IGSF5: variants seen among roughly 807,000 people sequenced by gnomAD.
IGSF5 encodes the protein immunoglobulin superfamily member 5.
IGSF5 carries 41 observed loss-of-function variants against 39.4 expected under a neutral mutation model. That is an observed-to-expected ratio of 1.04 (90% CI 0.81 to 1.35). The LOEUF is 1.35. Ranked by LOEUF, IGSF5 falls within the 40% of genes most tolerant of loss-of-function variation. The pLI is 0.00. For synonymous variants in IGSF5, 183 were observed against 175.3 expected (o/e 1.04, Z -0.34); for missense variants, 487 against 494.6 (o/e 0.98, Z 0.15).
At chr21:39,771,504 A>T (rs1443767761) in intron 4 of IGSF5, among the ~76,000 whole-genome samples, 1 of 152,160 alleles carries the variant, frequency 6.6e-6, no homozygotes, top group Non-Finnish European at 1.5e-5. Flanking sequence ...CAAATGCTTG[A>T]ATTAAACATT....
At chr21:39,712,265 A>T in the IGSF5 span, among the ~76,000 whole-genome samples, 458 of 152,264 alleles carry the variant, frequency 3.0e-3, 3 homozygotes, top group African/African-American at 0.01. Context: ...GCAGTGCGGG[A>T]TGTGATAGGA....
At chr21:39,715,406 A>G in the IGSF5 span, among the ~76,000 whole-genome samples, 2 of 152,220 alleles carry the variant, frequency 1.3e-5, no homozygotes, top group Non-Finnish European at 2.9e-5. Context: ...GGTATGAGCC[A>G]CCATGACCAG....
chr21:39,760,586 T>G (rs1384210641), intron 2 of IGSF5, among the ~76,000 whole-genome samples: 2 of 152,046 alleles, frequency 1.3e-5, no homozygotes, highest in Non-Finnish European at 2.9e-5. Flanking sequence ...GTCTTTTTTT[T>G]TTTTAGACGG....
rs1052976293 is a variant in IGSF5, at chr21:39,746,100, G to A, written c.18-116G>A. On this transcript the variant is annotated intron_variant, in intron 1 of 8. Transcript: ENST00000380588. ...CTGTGGGTCATGGGAGAGAACCATG[G>A]AAGCCAGTGACTAGTGTTTAGCTCG... The A allele has an allele frequency of 8.8e-6, 6 of 682,670 alleles. No homozygotes were observed. In the African/African-American group the frequency reaches 1.1e-4, roughly 12 times the overall value. The allele number at this position is 682,670 out of a possible 1,614,324, so 42.3% of individuals were successfully genotyped here.
At position 39,747,826 on chromosome 21, in the gene IGSF5, A is replaced by G. The variant is rs950765505; in HGVS notation, c.100+1528A>G. ...CAGTTGAGCTAGGGTGACAACTCCTAAATGTGTGATATTTTCAGCTAAGTG... is the reference window on the plus strand; with the variant it reads ...CAGTTGAGCTAGGGTGACAACTCCTGAATGTGTGATATTTTCAGCTAAGTG... On this transcript the variant is annotated intron_variant, in intron 2 of 8. Coordinates refer to ENST00000380588, the MANE Select transcript of IGSF5 (RefSeq NM_001080444.2). Among the ~76,000 whole-genome samples the G allele has an allele frequency of 4.6e-5, 7 of 152,134 alleles. No homozygotes were observed. In the East Asian group the frequency reaches 9.6e-4, roughly 21 times the overall value.
the IGSF5 span, among the ~76,000 whole-genome samples, chr21:39,726,799 T>C: frequency 6.6e-6 from 1 of 152,142 alleles, no homozygotes; most frequent in Admixed American, 6.5e-5. Flanking sequence ...AGGAATGACA[T>C]CTCAAACAGA....
chr21:39,786,009 A>G (rs2086917062), intron 5 of IGSF5, among the ~76,000 whole-genome samples: 1 of 152,232 alleles, frequency 6.6e-6, no homozygotes, highest in Admixed American at 6.5e-5. Context: ...AAACCCTAGA[A>G]GAAAACCTAG....
chr21:39,792,434 C>G (rs1023503827), intron 7 of IGSF5, among the ~76,000 whole-genome samples: 2 of 152,094 alleles, frequency 1.3e-5, no homozygotes, highest in Non-Finnish European at 2.9e-5. Flanking sequence ...ATGTAAATGA[C>G]AAGTTAACGG....
chr21:39,793,040 A>G (rs1018917951), intron 7 of IGSF5, among the ~76,000 whole-genome samples: 1 of 151,994 alleles, frequency 6.6e-6, no homozygotes, highest in Non-Finnish European at 1.5e-5. Flanking sequence ...GCTGCCTCCC[A>G]TGTGTATTCC....
At chr21:39,736,016 C>T in the IGSF5 span, among the ~76,000 whole-genome samples, 1 of 150,614 alleles carries the variant, frequency 6.6e-6, no homozygotes, top group African/African-American at 2.4e-5. Flanking sequence ...TGGGCCTGGC[C>T]CCTCTGTGGG....
At chr21:39,744,808 T>C (rs373517103), upstream of IGSF5, among the ~76,000 whole-genome samples, 2 of 152,250 alleles carry the variant, frequency 1.3e-5, no homozygotes, top group African/African-American at 4.8e-5. Flanking sequence ...CTCTAAAAGT[T>C]ACTTTTCTAC....
At chr21:39,754,660 T>G (rs2146273281) in intron 2 of IGSF5, among the ~76,000 whole-genome samples, 1 of 152,270 alleles carries the variant, frequency 6.6e-6, no homozygotes, top group East Asian at 1.9e-4. Context: ...GACTAAAGAC[T>G]TTAAGAATAA....
chr21:39,801,660 C>A lies in IGSF5; in HGVS notation c.*303C>A, dbSNP rs2837228. ...TCAACACTCCTACTTGTTAATCCAA[C>A]AAATGGTAGATAAAAGTCTGTATTC... On this transcript the variant is annotated 3_prime_UTR_variant, in exon 9 of 9. Transcript: ENST00000380588. 8,687 of 242,652 alleles carry A rather than the reference C, an allele frequency of 0.036. 728 individuals carry two copies. Among genetic ancestry groups the A allele is most frequent in the African/African-American group, 0.18 (8,105 of 45,210 alleles). The allele number at this position is 242,652 out of a possible 1,614,324, so 15.0% of individuals were successfully genotyped here. A position where few individuals can be genotyped will look rare whatever the true frequency, so the allele number is the denominator to read the frequency against.
rs549018638 is a variant in IGSF5 at position 39,795,034 on chromosome 21, G to C, written c.1128+1421G>C. ...TACTATTAATATTAGTGTCAACACA[G>C]GTAGCCAGACAACAAGACATATGAG... On this transcript the variant is annotated intron_variant, in intron 8 of 8. Transcript: ENST00000380588. Among the ~76,000 whole-genome samples the C allele has an allele frequency of 4.4e-4, 67 of 152,232 alleles. No individual in the cohort carries two copies. In the South Asian group the frequency reaches 0.014, roughly 32 times the overall value.
upstream of IGSF5, among the ~76,000 whole-genome samples, chr21:39,741,182 C>T (rs1239359190): frequency 6.6e-6 from 1 of 152,106 alleles, no homozygotes; most frequent in Non-Finnish European, 1.5e-5. Flanking sequence ...GCATTAGGGC[C>T]TTCTTTAGGG....
intron 6 of IGSF5, among the ~76,000 whole-genome samples, chr21:39,790,112 C>T (rs146398827): frequency 7.2e-4 from 110 of 152,262 alleles, no homozygotes; most frequent in Middle Eastern, 3.4e-3. Flanking sequence ...CCCTCCTCCC[C>T]AAAGGTGACA....
intron 2 of IGSF5, among the ~76,000 whole-genome samples, chr21:39,763,965 T>C (rs2080073312): frequency 6.6e-6 from 1 of 152,032 alleles, no homozygotes; most frequent in Non-Finnish European, 1.5e-5. Context: ...CTAATCTGAG[T>C]TGTGTTTTAG....
intron 4 of IGSF5, among the ~76,000 whole-genome samples, chr21:39,775,233 T>C (rs184478229): frequency 2.0e-5 from 3 of 152,182 alleles, no homozygotes; most frequent in Non-Finnish European, 2.9e-5. Context: ...TGGGTTCCAA[T>C]CCCAGCTCAC....
chr21:39,727,022 T>C, the IGSF5 span, among the ~76,000 whole-genome samples: 1 of 152,218 alleles, frequency 6.6e-6, no homozygotes, highest in African/African-American at 2.4e-5. Flanking sequence ...GTGGCCACAG[T>C]GCTGTAACAA....
Sources: allele counts gnomAD v4.1 joint callset (sites outside exome capture counted in the v4.1 genomes callset), GRCh38; gene constraint gnomAD v4.1.1; transcripts MANE v1.5; gene names NCBI Gene and HGNC (gene_info 2026-07-23, HGNC 2026-07-21).